The following PKNOX2 variants were observed in gnomAD, a reference collection of about 807,000 sequenced individuals.
PKNOX2 encodes PBX/knotted 1 homeobox 2, also known as homeobox protein PKNOX2.
In PKNOX2, 14 loss-of-function variants were observed where a neutral mutation model predicts 53.1. That is an observed-to-expected ratio of 0.26 (90% CI 0.17 to 0.41). PKNOX2 has a LOEUF of 0.41. Ranked by LOEUF, PKNOX2 falls within the 10% of genes least tolerant of loss-of-function variation. PKNOX2 has a pLI of 1.00. For synonymous variants in PKNOX2, 257 were observed against 242.8 expected (o/e 1.06, Z -0.54); for missense variants, 496 against 602.8 (o/e 0.82, Z 1.85).
At chr11:125,209,168 G>A (rs1254515697) in intron 1 of PKNOX2, among the ~76,000 whole-genome samples, 3 of 152,064 alleles carry the variant, frequency 2.0e-5, no homozygotes, top group East Asian at 3.8e-4. Flanking sequence ...GCCTTACCTA[G>A]TCCTCACAAC....
chr11:125,231,254 A>G (rs780377828), intron 1 of PKNOX2, among the ~76,000 whole-genome samples: 2 of 152,198 alleles, frequency 1.3e-5, no homozygotes, highest in Non-Finnish European at 2.9e-5. Flanking sequence ...TATGTTTCAT[A>G]GATGCCTGCA....
chr11:125,421,454 G>T (rs371347626), intron 10 of PKNOX2, among the ~76,000 whole-genome samples: 1 of 152,194 alleles, frequency 6.6e-6, no homozygotes, highest in African/African-American at 2.4e-5. Context: ...ATGGTGTAGC[G>T]CAAGGAGCAA....
chr11:125,406,917 TAAAAAAAAAAA>T (rs67687488), intron 7 of PKNOX2, among the ~76,000 whole-genome samples: 2 of 41,716 alleles, frequency 4.8e-5, no homozygotes, highest in Admixed American at 3.9e-4. Flanking sequence ...AATCTATGTC[TAAAAAAAAAAA>T]AAAAAAAAAA....
At position 125,351,409 on chromosome 11, in the gene PKNOX2, C is replaced by A; in HGVS notation, c.87+17C>A. 2 of 1,536,330 alleles carry A rather than the reference C, an allele frequency of 1.3e-6. No homozygotes were observed. Among genetic ancestry groups the A allele is most frequent in the Middle Eastern group, 1.7e-4 (1 of 5,922 alleles). On this transcript the variant is annotated intron_variant, in intron 4 of 12. Coordinates refer to ENST00000298282, the MANE Select transcript of PKNOX2 (RefSeq NM_001382323.2). The stretch of plus-strand genomic sequence containing the variant: ...AGCCCACAGGTGAGTGCGCAGGGGC[C>A]GCTGCCTCCCACCACGGGGGAGGGA...
At chr11:125,385,187 A>C (rs1328702614) in intron 5 of PKNOX2, among the ~76,000 whole-genome samples, 1 of 152,118 alleles carries the variant, frequency 6.6e-6, no homozygotes, top group Non-Finnish European at 1.5e-5. Flanking sequence ...TTCTCTGGAC[A>C]CTCCCCACAT....
chr11:125,255,730 G>T (rs1944360427), intron 2 of PKNOX2, among the ~76,000 whole-genome samples: 1 of 152,134 alleles, frequency 6.6e-6, no homozygotes, highest in East Asian at 1.9e-4. Flanking sequence ...GGGGCAAGGT[G>T]GGGGACGGGC....
chr11:125,374,818 CA>C (rs1247377434), intron 5 of PKNOX2, among the ~76,000 whole-genome samples: 2 of 152,146 alleles, frequency 1.3e-5, no homozygotes, highest in Non-Finnish European at 2.9e-5. Context: ...GTGCTTGGCA[CA>C]CAGAAGGCTC....
chr11:125,333,337 G>A (rs1591531464), intron 3 of PKNOX2, among the ~76,000 whole-genome samples: 1 of 152,132 alleles, frequency 6.6e-6, no homozygotes, highest in South Asian at 2.1e-4. Context: ...TGTGGATGCT[G>A]GAGTCCAAAC....
chr11:125,350,308 T>C (rs995700133), intron 3 of PKNOX2, among the ~76,000 whole-genome samples: 2 of 152,174 alleles, frequency 1.3e-5, no homozygotes, highest in African/African-American at 4.8e-5. Context: ...TGAGGCTTCA[T>C]GGGGGCAGCT....
At chr11:125,266,415 A>G (rs1320363918) in intron 2 of PKNOX2, among the ~76,000 whole-genome samples, 1 of 152,140 alleles carries the variant, frequency 6.6e-6, no homozygotes, top group African/African-American at 2.4e-5. Flanking sequence ...TTGATTCTTG[A>G]ACCTTTCATC....
At chr11:125,278,496 C>A (rs115692295) in intron 2 of PKNOX2, among the ~76,000 whole-genome samples, 89 of 152,252 alleles carry the variant, frequency 5.8e-4, no homozygotes, top group African/African-American at 1.9e-3. Flanking sequence ...CTCAGACTCC[C>A]GATGATGGCT....
At chr11:125,397,713 C>T (rs1954493585) in intron 6 of PKNOX2, among the ~76,000 whole-genome samples, 161 bp from the exon 7 acceptor site, 1 of 152,134 alleles carries the variant, frequency 6.6e-6, no homozygotes, top group Admixed American at 6.5e-5. Flanking sequence ...GAGAAGGCAC[C>T]GCCTACCACT....
At chr11:125,222,249 C>G (rs1941221164) in intron 1 of PKNOX2, among the ~76,000 whole-genome samples, 1 of 152,164 alleles carries the variant, frequency 6.6e-6, no homozygotes, top group Admixed American at 6.5e-5. Context: ...CCCCCTTGCT[C>G]TCTTCCAGTT....
chr11:125,406,259 C>T (rs1955089771), intron 7 of PKNOX2, among the ~76,000 whole-genome samples: 1 of 152,196 alleles, frequency 6.6e-6, no homozygotes, highest in Admixed American at 6.5e-5. Flanking sequence ...GTCTCCATTC[C>T]ACGGCTCTAG....
chr11:125,430,222 T>G, intron 12 of PKNOX2, 81 bp downstream of exon 12: 1 of 1,482,564 alleles, frequency 6.7e-7, no homozygotes, highest in East Asian at 2.4e-5. Context: ...GTGCAAAGAT[T>G]CAAGGGCTAT....
At position 125,351,371 on chromosome 11, in the gene PKNOX2, A is replaced by AC; in HGVS notation, c.69dup (p.Tyr24LeufsTer47). 1 of 1,599,044 alleles carries AC rather than the reference A, an allele frequency of 6.3e-7. No individual in the cohort carries two copies. The highest frequency in any genetic ancestry group is 8.6e-7 in the Non-Finnish European group (1 of 1,169,118). On this transcript the variant is annotated frameshift_variant, in exon 4 of 13. Coordinates refer to ENST00000298282, the MANE Select transcript of PKNOX2 (RefSeq NM_001382323.2). LOFTEE classifies it high-confidence loss of function. ...TGGCCACGCAGAATGTCCCGCCCCC[A>AC]CCCTACCAGGACAGCCCACAGGTGA... is the stretch of plus-strand genomic sequence containing the variant.
intron 2 of PKNOX2, among the ~76,000 whole-genome samples, chr11:125,275,178 G>A (rs192981629): frequency 1.7e-4 from 26 of 152,316 alleles, no homozygotes; most frequent in Admixed American, 1.6e-3. Context: ...AGCAGGCTCT[G>A]GTGGGAGAGT....
chr11:125,356,744 G>A (rs1053895446), intron 4 of PKNOX2, among the ~76,000 whole-genome samples: 9 of 152,338 alleles, frequency 5.9e-5, no homozygotes, highest in African/African-American at 1.9e-4. Flanking sequence ...GTGGGGCCAG[G>A]GGAGGCAGAT....
At chr11:125,361,923 G>T (rs765333752) in intron 4 of PKNOX2, among the ~76,000 whole-genome samples, 1 of 152,248 alleles carries the variant, frequency 6.6e-6, no homozygotes, top group Non-Finnish European at 1.5e-5. Context: ...GCCTGGGAGG[G>T]AATTTGACCC....
Sources: allele counts gnomAD v4.1 joint callset (sites outside exome capture counted in the v4.1 genomes callset), GRCh38; gene constraint gnomAD v4.1.1; transcripts MANE v1.5; gene names NCBI Gene and HGNC (gene_info 2026-07-23, HGNC 2026-07-21).